Variants in COL1A1 observed in about 807,000 individuals in gnomAD.
The protein encoded by COL1A1 is collagen alpha-1(I) chain.
In COL1A1, 21 loss-of-function variants were observed where a neutral mutation model predicts 195.7. The ratio of observed to expected loss-of-function variants is 0.11; its 90% CI spans 0.08 to 0.15. COL1A1 has a LOEUF of 0.15. Ranked by LOEUF, COL1A1 falls within the 10% of genes least tolerant of loss-of-function variation. COL1A1 has a pLI of 1.00. For missense variants in COL1A1, 1,365 were observed against 2,051.0 expected (o/e 0.67, Z 6.46); for synonymous variants, 749 against 747.3 (o/e 1.00, Z -0.04).
Position 50,188,721 on chromosome 17 carries a change from C to A in COL1A1, c.3099+21G>T, listed in dbSNP as rs763044968. 13 of 1,613,916 alleles carry A rather than the reference C, an allele frequency of 8.1e-6. No individual in the cohort carries two copies. The East Asian group carries it at 1.3e-4, about 17-fold the overall frequency. On this transcript the variant is annotated intron_variant, in intron 42 of 50. Transcript: ENST00000225964. This position sits in a 1 kb window ranked among gnomAD's most constrained non-coding sequence, Gnocchi z 5.6. ...GGGAAGCAGCAGACAAGGCTGTGGT[C>A]ATGGAGTGTTGCCATCTTACCTTGG...
At chr17:50,201,331 C>G (rs1908076338) in intron 1 of COL1A1, 80 bp downstream of exon 1, 5 of 1,277,670 alleles carry the variant, frequency 3.9e-6, no homozygotes, top group Non-Finnish European at 5.6e-6. Flanking sequence ...ATCCACGTCT[C>G]GTTTTAAGCC....
rs41316687 is a variant in COL1A1, at chr17:50,189,830, G to T, written c.2613+29C>A. 1.1e-5 allele frequency: 17 copies of T among 1,612,592 alleles called. No homozygotes were observed. In the African/African-American group the frequency reaches 2.3e-4, roughly 22 times the overall value. On this transcript the variant is annotated intron_variant, in intron 37 of 50. Coordinates refer to ENST00000225964, the MANE Select transcript of COL1A1 (RefSeq NM_000088.4). The surrounding 1 kb of genome is among the most constrained non-coding windows in gnomAD (Gnocchi z 5.5). ...CACCGCTGCCTGGGGAGAGGGGAGAGGCTCAACAGAGAGGCGGGTGATACT... is the reference window on the plus strand; with the variant it reads ...CACCGCTGCCTGGGGAGAGGGGAGATGCTCAACAGAGAGGCGGGTGATACT...
intron 31 of COL1A1, 126 bp downstream of exon 31, chr17:50,191,662 G>C: frequency 8.4e-7 from 1 of 1,191,326 alleles, no homozygotes; most frequent in Admixed American, 2.0e-5. Context: ...CCCCTGCCCT[G>C]GTCTTTTCCC....
chr17:50,198,841 TG>T, intron 5 of COL1A1: 1 of 427,126 alleles, frequency 2.3e-6, no homozygotes, highest in East Asian at 4.9e-5. Flanking sequence ...ATTGGGGTGG[TG>T]GGGGGTGGAA....
At chr17:50,197,705 T>C (rs1161608516) in intron 9 of COL1A1, 27 bp downstream of exon 9, 5 of 1,560,074 alleles carry the variant, frequency 3.2e-6, no homozygotes, top group Non-Finnish European at 4.3e-6. Context: ...TGGGGTCAGA[T>C]GGTATCTTCT....
intron 5 of COL1A1, 145 bp downstream of exon 5, chr17:50,199,081 C>T (rs1018802096): frequency 1.1e-6 from 1 of 922,950 alleles, no homozygotes; most frequent in African/African-American, 1.7e-5. Flanking sequence ...ATGTCACAAA[C>T]TGTGAAGGGT....
chr17:50,189,915 G>A lies in COL1A1; in HGVS notation c.2560-3C>T. ...GCTCCAGGAGCACCAACATTACCCT[G>A]TAGGAGAGCACAGAGGCATCAAGCC... On this transcript the variant is annotated splice_polypyrimidine_tract_variant and splice_region_variant and intron_variant, in intron 36 of 50. Transcript: ENST00000225964. The surrounding 1 kb of genome is among the most constrained non-coding windows in gnomAD (Gnocchi z 5.5). The A allele has an allele frequency of 6.2e-7, 1 of 1,611,950 alleles. No homozygotes were observed. Among genetic ancestry groups the A allele is most frequent in the Non-Finnish European group, 8.5e-7 (1 of 1,179,028 alleles).
intron 45 of COL1A1, 95 bp from the exon 46 acceptor site, chr17:50,187,632 A>G: frequency 7.7e-7 from 1 of 1,299,236 alleles, no homozygotes; most frequent in Admixed American, 1.8e-5. Context: ...TGGGCAACCC[A>G]TGCCCCTTCA....
intron 29 of COL1A1, 178 bp from the exon 30 acceptor site, chr17:50,192,202 T>C (rs1031249843): frequency 1.1e-5 from 8 of 761,358 alleles, no homozygotes; most frequent in East Asian, 8.0e-5. Flanking sequence ...TGTCAAAGGC[T>C]TCCCCCCTCC....
Position 50,189,835 on chromosome 17 carries a change from A to C in COL1A1, c.2613+24T>G, listed in dbSNP as rs766736822. The C allele has an allele frequency of 7.6e-5, 122 of 1,612,462 alleles. No individual in the cohort carries two copies. Among genetic ancestry groups the C allele is most frequent in the Non-Finnish European group, 1.0e-4 (119 of 1,179,346 alleles). On this transcript the variant is annotated intron_variant, in intron 37 of 50. Transcript: ENST00000225964. The surrounding 1 kb of genome is among the most constrained non-coding windows in gnomAD (Gnocchi z 5.5). The stretch of plus-strand genomic sequence containing the variant: ...CTGCCTGGGGAGAGGGGAGAGGCTC[A>C]ACAGAGAGGCGGGTGATACTCACAG...
chr17:50,185,653 G>A lies in COL1A1; in HGVS notation c.4249-5C>T, dbSNP rs1906436846. 6.2e-7 allele frequency: 1 copy of A among 1,613,574 alleles called. No individual in the cohort carries two copies. The highest frequency in any genetic ancestry group is 8.5e-7 in the Non-Finnish European group (1 of 1,179,890). ...GCCCCAGGCTCCGGTGTGACTCTGGGGTGGGGCGGAGACAACGGGAGGGGG... is the reference window on the plus strand; with the variant it reads ...GCCCCAGGCTCCGGTGTGACTCTGGAGTGGGGCGGAGACAACGGGAGGGGG... On this transcript the variant is annotated splice_region_variant and splice_polypyrimidine_tract_variant and intron_variant, in intron 50 of 50. Transcript: ENST00000225964.
rs367663062 is a variant in COL1A1, at chr17:50,189,947, C to G, written c.2560-35G>C. 1 of 1,611,086 alleles carries G rather than the reference C, an allele frequency of 6.2e-7. No individual in the cohort carries two copies. The highest frequency in any genetic ancestry group is 8.5e-7 in the Non-Finnish European group (1 of 1,178,662). On this transcript the variant is annotated intron_variant, in intron 36 of 50. Transcript: ENST00000225964. This position sits in a 1 kb window ranked among gnomAD's most constrained non-coding sequence, Gnocchi z 5.5. The stretch of plus-strand genomic sequence containing the variant: ...AGCACAGAGGCATCAAGCCTGGACC[C>G]GTCCTGGGTCCCAGCCCACCAGCCT...
rs759735608 is a variant in COL1A1 at position 50,197,052 on chromosome 17, T to A, written c.762A>T (p.Gly254=). The A allele has an allele frequency of 1.2e-6, 2 of 1,614,044 alleles. No individual in the cohort carries two copies. Among genetic ancestry groups the A allele is most frequent in the Admixed American group, 1.7e-5 (1 of 60,016 alleles). The change falls in exon 11 of 51, where the codon GGA becomes GGT. Residue 254 remains glycine (G), a synonymous_variant. Coordinates refer to ENST00000225964, the MANE Select transcript of COL1A1 (RefSeq NM_000088.4). ...RGPPGPQGAR[G]LPGTAGLPGM... is the part of the protein sequence containing the mutation. ...CAGGGAGGCCAGCTGTTCCGGGCAA[T>A]CCTCGAGCACCCTGGAGAGAGATGA...
intron 31 of COL1A1, 36 bp from the exon 32 acceptor site, chr17:50,191,526 G>T (rs1907077118): frequency 1.2e-6 from 2 of 1,602,878 alleles, no homozygotes; most frequent in Non-Finnish European, 8.5e-7. Context: ...GTGAGGCCTG[G>T]GGCCCCAAGA....
rs56302025 is a variant in COL1A1 at position 50,185,257 on chromosome 17, C to CTTTTTTTTTTTTTTT, written c.*230_*244dup. The stretch of plus-strand genomic sequence containing the variant: ...TTTTTTAAAAAGTTATTTATTTATT[C>CTTTTTTTTTTTTTTT]TTTTTTTTTTTTTTTTTTTGGTAAG... On this transcript the variant is annotated 3_prime_UTR_variant, in exon 51 of 51. Transcript: ENST00000225964. 2 of 185,552 alleles carry CTTTTTTTTTTTTTTT rather than the reference C, an allele frequency of 1.1e-5. No individual in the cohort carries two copies. The highest frequency in any genetic ancestry group is 2.0e-5 in the Non-Finnish European group (2 of 101,402). 11.5% of individuals were successfully genotyped at this position (185,552 alleles called of 1,614,324 possible). A position where few individuals can be genotyped will look rare whatever the true frequency, so the allele number is the denominator to read the frequency against.
chr17:50,186,436 C>T lies in COL1A1; in HGVS notation c.3886G>A (p.Gly1296Ser). 1 of 1,614,192 alleles carries T rather than the reference C, an allele frequency of 6.2e-7. No individual in the cohort carries two copies. Among genetic ancestry groups the T allele is most frequent in the Non-Finnish European group, 8.5e-7 (1 of 1,180,042 alleles). The change falls in exon 49 of 51, where the codon GGT becomes AGT. Residue 1296 changes from glycine to serine, a missense_variant. By Grantham distance (56) the Gly-to-Ser change is moderately conservative. Coordinates refer to ENST00000225964, the MANE Select transcript of COL1A1 (RefSeq NM_000088.4). The surrounding 1 kb of genome is among the most constrained non-coding windows in gnomAD (Gnocchi z 5.3). ...AIKVFCNMET[G>S]ETCVYPTQPS... ...TGAGTGGGGTACACGCAGGTCTCAC[C>T]AGTCTCCATGTTGCAGAAGACTTTG...
Position 50,188,253 on chromosome 17 carries a change from TC to T in COL1A1, c.3208-105del. The T allele has an allele frequency of 8.5e-7, 1 of 1,175,408 alleles. No individual in the cohort carries two copies. Among genetic ancestry groups the T allele is most frequent in the Non-Finnish European group, 1.2e-6 (1 of 844,016 alleles). 72.8% of individuals were successfully genotyped at this position (1,175,408 alleles called of 1,614,324 possible). On this transcript the variant is annotated intron_variant, in intron 43 of 50. Coordinates refer to ENST00000225964, the MANE Select transcript of COL1A1 (RefSeq NM_000088.4). This position sits in a 1 kb window ranked among gnomAD's most constrained non-coding sequence, Gnocchi z 5.6. Reference sequence around the variant, plus strand: ...CTGGATCTCTCTCTCCTCAGCTGCTTCCCACTGTGGCCATCTCTCCCAACTC... The same window carrying T: ...CTGGATCTCTCTCTCCTCAGCTGCTTCCACTGTGGCCATCTCTCCCAACTC...
In COL1A1 at chr17:50,194,502, C is replaced by T; in HGVS notation, c.1516-55G>A. On this transcript the variant is annotated intron_variant, in intron 22 of 50. Transcript: ENST00000225964. The surrounding 1 kb of genome is among the most constrained non-coding windows in gnomAD (Gnocchi z 6.8). Reference sequence around the variant, plus strand: ...GGGTCTCAAGTTTGTGGCTCTTTGCCACGGGCCAAAAGAGGAAGAAGATGC... The same window carrying T: ...GGGTCTCAAGTTTGTGGCTCTTTGCTACGGGCCAAAAGAGGAAGAAGATGC... 3 of 1,613,158 alleles carry T rather than the reference C, an allele frequency of 1.9e-6. No homozygotes were observed. The Admixed American group carries it at 5.0e-5, about 27-fold the overall frequency.
Position 50,185,359 on chromosome 17 carries a change from GAAA to G in COL1A1, c.*140_*142del. ...CTAAGTTTGAGAGATGAATGCAAAG[GAAA>G]AAAATATTTTCCAAAGTCCATGTGA... is the stretch of plus-strand genomic sequence containing the variant. On this transcript the variant is annotated 3_prime_UTR_variant, in exon 51 of 51. Coordinates refer to ENST00000225964, the MANE Select transcript of COL1A1 (RefSeq NM_000088.4). 3.2e-6 allele frequency: 3 copies of G among 928,392 alleles called. No individual in the cohort carries two copies. In the East Asian group the frequency reaches 9.0e-5, roughly 28 times the overall value. 57.5% of individuals were successfully genotyped at this position (928,392 alleles called of 1,614,324 possible).
Sources: gnomAD v4.1 joint callset for allele counts on GRCh38, gnomAD v4.1.1 for gene constraint, Gnocchi (gnomAD v3.1) non-coding constraint, MANE v1.5 for transcripts, NCBI Gene and HGNC (gene_info 2026-07-23, HGNC 2026-07-21) for gene names.